PDE4D: variants seen among roughly 807,000 people sequenced by gnomAD.
PDE4D encodes the protein 3',5'-cyclic-AMP phosphodiesterase 4D.
A neutral mutation model predicts 87.4 loss-of-function variants in PDE4D; 24 were observed. The ratio of observed to expected loss-of-function variants is 0.27; its 90% CI spans 0.20 to 0.39. The LOEUF (loss-of-function observed/expected upper bound fraction) is 0.39. Ranked by LOEUF, PDE4D falls within the 10% of genes least tolerant of loss-of-function variation. PDE4D has a pLI of 1.00. For missense variants in PDE4D, 714 were observed against 1,041.0 expected (o/e 0.69, Z 4.32); for synonymous variants, 384 against 383.2 (o/e 1.00, Z -0.02).
chr5:60,089,969 C>T (rs1774953662), intron 2 of PDE4D, among the ~76,000 whole-genome samples: 1 of 151,630 alleles, frequency 6.6e-6, no homozygotes, highest in Non-Finnish European at 1.5e-5. Flanking sequence ...AGATTGAACC[C>T]ATGAAAAAAG....
Position 59,137,717 on chromosome 5 carries a change from A to G in PDE4D, c.808+42878T>C, listed in dbSNP as rs541664860. On this transcript the variant is annotated intron_variant, in intron 5 of 14. Transcript: ENST00000340635. Reference sequence around the variant, plus strand: ...AATTTTTTGTATTTTTAGTAGAGACAGGGTTTCACCGTATTAACCAGGATG... The same window carrying G: ...AATTTTTTGTATTTTTAGTAGAGACGGGGTTTCACCGTATTAACCAGGATG... 1.9e-3 allele frequency among the ~76,000 whole-genome samples: 292 copies of G among 152,176 alleles called. 1 individual carries two copies. The highest frequency in any genetic ancestry group is 6.7e-3 in the African/African-American group (277 of 41,532).
chr5:60,317,162 A>G (rs972430844), intron 1 of PDE4D, among the ~76,000 whole-genome samples: 3 of 152,154 alleles, frequency 2.0e-5, no homozygotes, highest in Admixed American at 6.5e-5. Context: ...CCTCAATTTC[A>G]GAGTCTGTTT....
intron 1 of PDE4D, among the ~76,000 whole-genome samples, chr5:59,789,399 CA>C (rs1192087189): frequency 2.0e-5 from 3 of 152,170 alleles, no homozygotes; most frequent in Admixed American, 1.3e-4. Flanking sequence ...AAGAAGCTAC[CA>C]GACATGTGCT....
chr5:60,467,692 A>G (rs1004922352), intron 1 of PDE4D, among the ~76,000 whole-genome samples: 2 of 152,206 alleles, frequency 1.3e-5, no homozygotes, highest in Non-Finnish European at 2.9e-5. Flanking sequence ...TGAAGAAAAG[A>G]GGTCCGATTA....
At chr5:60,351,587 G>A (rs906589581) in intron 1 of PDE4D, among the ~76,000 whole-genome samples, 1 of 152,046 alleles carries the variant, frequency 6.6e-6, no homozygotes, top group Non-Finnish European at 1.5e-5. Context: ...AGGAAATTGG[G>A]TCCATGATGA....
chr5:60,480,956 TAAAC>T (rs982999858), intron 1 of PDE4D, among the ~76,000 whole-genome samples: 3 of 152,146 alleles, frequency 2.0e-5, no homozygotes, highest in African/African-American at 7.2e-5. Context: ...GCTAGGGAAA[TAAAC>T]AACAAGTAAA....
chr5:60,342,016 T>C (rs1178810623), intron 1 of PDE4D, among the ~76,000 whole-genome samples: 1 of 152,216 alleles, frequency 6.6e-6, no homozygotes, highest in East Asian at 1.9e-4. Flanking sequence ...TTTCAAACTA[T>C]AAAATGTTTG....
chr5:59,984,031 C>T (rs1561942846), intron 3 of PDE4D, among the ~76,000 whole-genome samples: 1 of 142,410 alleles, frequency 7.0e-6, no homozygotes, highest in Non-Finnish European at 1.6e-5. Flanking sequence ...TATACACAAA[C>T]ATGGATATCA....
chr5:59,821,491 A>G (rs1769665138), intron 1 of PDE4D, among the ~76,000 whole-genome samples: 1 of 152,188 alleles, frequency 6.6e-6, no homozygotes, highest in South Asian at 2.1e-4. Flanking sequence ...AAGTTTATGG[A>G]TTACATCTAA....
chr5:59,735,523 TAAG>T, intron 1 of PDE4D, among the ~76,000 whole-genome samples: 1 of 152,260 alleles, frequency 6.6e-6, no homozygotes, highest in Middle Eastern at 3.4e-3. Context: ...CTTTACAAAA[TAAG>T]AAAGTGAGAA....
In PDE4D at chr5:60,063,080, AAAGAAAGAAAGAAAG is replaced by A. The variant is rs1394778588; in HGVS notation, c.43-74378_43-74364del. On this transcript the variant is annotated intron_variant, in intron 2 of 16. Transcript: ENST00000502484. ...ATATGTATCCCAAAACTTAAAGAAGAAAGAAAGAAAGAAAGAAGAAAGAAAGAAAGAAAGAAAGAA... is the reference window on the plus strand; with the variant it reads ...ATATGTATCCCAAAACTTAAAGAAGAAAGAAAGAAAGAAAGAAAGAAAGAA... Among the ~76,000 whole-genome samples the A allele has an allele frequency of 1.4e-3, 193 of 133,204 alleles. 1 individual carries two copies. Among genetic ancestry groups the A allele is most frequent in the African/African-American group, 5.4e-3 (174 of 32,492 alleles). 87.4% of individuals were successfully genotyped at this position (133,204 alleles called of 152,430 possible). A position where few individuals can be genotyped will look rare whatever the true frequency, so the allele number is the denominator to read the frequency against.
At chr5:59,415,109 G>T (rs1366744476) in intron 1 of PDE4D, among the ~76,000 whole-genome samples, 2 of 152,194 alleles carry the variant, frequency 1.3e-5, no homozygotes, top group African/African-American at 4.8e-5. Context: ...GAGGGTAGTG[G>T]CAGTGGAAAT....
At chr5:59,565,102 G>C (rs2153693159) in intron 1 of PDE4D, among the ~76,000 whole-genome samples, 1 of 152,264 alleles carries the variant, frequency 6.6e-6, no homozygotes, top group Non-Finnish European at 1.5e-5. Flanking sequence ...GTGAAATCAG[G>C]TCCTAAAGAG....
intron 2 of PDE4D, among the ~76,000 whole-genome samples, chr5:60,079,252 GT>G (rs1773659543): frequency 6.6e-6 from 1 of 150,394 alleles, no homozygotes; most frequent in Admixed American, 6.6e-5. Flanking sequence ...TTATAAATAT[GT>G]TTAAGTTACT....
intron 5 of PDE4D, among the ~76,000 whole-genome samples, chr5:59,101,709 CTT>C (rs34308828): frequency 1.1e-4 from 16 of 145,372 alleles, no homozygotes; most frequent in African/African-American, 1.5e-4. Flanking sequence ...TAATAATCAA[CTT>C]TTTTTTTTTT....
chr5:59,485,413 G>C (rs1384507836), intron 1 of PDE4D, among the ~76,000 whole-genome samples: 2 of 152,034 alleles, frequency 1.3e-5, no homozygotes, highest in Admixed American at 6.6e-5. Flanking sequence ...TTTAAAAAAA[G>C]ATATACCCAG....
Position 60,001,020 on chromosome 5 carries a change from C to T in PDE4D, c.43-12303G>A, listed in dbSNP as rs188723751. On this transcript the variant is annotated intron_variant, in intron 2 of 16. Transcript: ENST00000502484. Reference sequence around the variant, plus strand: ...GACTTGGCCCAAGGTCAATCTTGTCCCCAGAGATGTATGCCCATCCAACTC... The same window carrying T: ...GACTTGGCCCAAGGTCAATCTTGTCTCCAGAGATGTATGCCCATCCAACTC... Among the ~76,000 whole-genome samples, 10 of 152,212 alleles carry T rather than the reference C, an allele frequency of 6.6e-5. No individual in the cohort carries two copies. The East Asian group carries it at 1.5e-3, about 24-fold the overall frequency.
chr5:60,287,191 T>C (rs1267424132), intron 1 of PDE4D, among the ~76,000 whole-genome samples: 1 of 152,236 alleles, frequency 6.6e-6, no homozygotes, highest in Non-Finnish European at 1.5e-5. Context: ...ACCTAGCTTG[T>C]GGCCTCCATG....
chr5:59,365,166 TAAG>T (rs1435237926), intron 1 of PDE4D, among the ~76,000 whole-genome samples: 2 of 152,200 alleles, frequency 1.3e-5, no homozygotes, highest in South Asian at 2.1e-4. Context: ...TGTATATAAT[TAAG>T]AAGAAGGTAG....
Sources: allele counts gnomAD v4.1 joint callset (sites outside exome capture counted in the v4.1 genomes callset), GRCh38; gene constraint gnomAD v4.1.1; transcripts MANE v1.5; gene names NCBI Gene and HGNC (gene_info 2026-07-23, HGNC 2026-07-21).